Variants in LYPLA1 observed in about 807,000 individuals in gnomAD.
LYPLA1 encodes the protein acyl-protein thioesterase 1.
Under a neutral mutation model 34.0 loss-of-function variants are expected in LYPLA1, and 17 were observed. That is an observed-to-expected ratio of 0.50 (90% CI 0.34 to 0.75). LYPLA1 has a LOEUF of 0.75. Among genes scored for constraint, LYPLA1 ranks in the 30% least tolerant of loss-of-function variants. The pLI, the probability that LYPLA1 is intolerant of heterozygous loss-of-function variation, is 0.01. For missense variants in LYPLA1, 203 were observed against 288.8 expected (o/e 0.70, Z 2.15); for synonymous variants, 98 against 100.8 (o/e 0.97, Z 0.17).
At chr8:54,095,483 T>C (rs1809613760) in intron 2 of LYPLA1, among the ~76,000 whole-genome samples, 1 of 152,090 alleles carries the variant, frequency 6.6e-6, no homozygotes, top group East Asian at 1.9e-4. Context: ...CACAAAATAT[T>C]TTTTAATATT....
chr8:54,083,972 T>C (rs984088161), intron 2 of LYPLA1, among the ~76,000 whole-genome samples: 7 of 151,244 alleles, frequency 4.6e-5, no homozygotes, highest in Admixed American at 6.6e-5. Context: ...ACCCTGTTTC[T>C]ACTAAAAATA....
At chr8:54,055,243 G>T in intron 5 of LYPLA1, 110 bp from the exon 6 acceptor site, 1 of 606,062 alleles carries the variant, frequency 1.7e-6, no homozygotes, top group Non-Finnish European at 2.9e-6. Flanking sequence ...TTTTAAGGTG[G>T]AAATGAGTGA....
chr8:54,071,511 C>G (rs1807464425), intron 2 of LYPLA1, among the ~76,000 whole-genome samples: 1 of 152,100 alleles, frequency 6.6e-6, no homozygotes. Flanking sequence ...CAAGCACACA[C>G]AGGACTGAGT....
At chr8:54,054,303 C>T (rs576901656) in intron 6 of LYPLA1, 1 of 156,208 alleles carries the variant, frequency 6.4e-6, no homozygotes, top group African/African-American at 2.4e-5. Context: ...ATTTCTGTCC[C>T]TATGTTTATG....
chr8:54,074,595 T>C (rs1226324953), intron 2 of LYPLA1, among the ~76,000 whole-genome samples: 1 of 152,252 alleles, frequency 6.6e-6, no homozygotes, highest in South Asian at 2.1e-4. Context: ...TATTTAATGC[T>C]AGACACTTTC....
At chr8:54,063,472 C>G in intron 3 of LYPLA1, 97 bp from the exon 4 acceptor site, 1 of 758,828 alleles carries the variant, frequency 1.3e-6, no homozygotes, top group South Asian at 1.7e-5. Context: ...GAGACCTACA[C>G]AAAACTATAT....
chr8:54,067,693 A>ATTT (rs762583097), intron 2 of LYPLA1, among the ~76,000 whole-genome samples: 5 of 135,518 alleles, frequency 3.7e-5, no homozygotes, highest in Admixed American at 7.5e-5. Context: ...ATGAATGTTA[A>ATTT]TTTTTTTTTT....
At chr8:54,096,634 T>C (rs1809705467) in intron 2 of LYPLA1, among the ~76,000 whole-genome samples, 1 of 151,686 alleles carries the variant, frequency 6.6e-6, no homozygotes, top group Non-Finnish European at 1.5e-5. Context: ...TCCCAGCTAC[T>C]CATGAGGCTG....
intron 5 of LYPLA1, among the ~76,000 whole-genome samples, chr8:54,058,953 TTC>T (rs1459291393): frequency 6.6e-6 from 1 of 152,162 alleles, no homozygotes; most frequent in Non-Finnish European, 1.5e-5. Flanking sequence ...CAGTAGCACA[TTC>T]TCTTTTGTTT....
In LYPLA1 at chr8:54,051,100, A is replaced by G; in HGVS notation, c.551T>C (p.Leu184Pro). The change falls in exon 8 of 9, where the codon CTT becomes CCT. Residue 184 changes from leucine to proline, a missense_variant. Physicochemically the swap from Leu to Pro is moderately conservative, Grantham distance 98. Coordinates refer to ENST00000316963, the MANE Select transcript of LYPLA1 (RefSeq NM_006330.4). ...CAATGTTTTTAGTTTTTCCACCGTA[A>G]GAGAACCAAACATCAGGGGAACCAA... ...DPLVPLMFGS[L>P]TVEKLKTLVN... 6.2e-7 allele frequency: 1 copy of G among 1,614,108 alleles called. No homozygotes were observed. Among genetic ancestry groups the G allele is most frequent in the Non-Finnish European group, 8.5e-7 (1 of 1,179,956 alleles).
At chr8:54,046,313 C>T (rs889601830), downstream of LYPLA1, 2 of 152,388 alleles carry the variant, frequency 1.3e-5, no homozygotes, top group Admixed American at 1.3e-4. Context: ...TCCTCCATTG[C>T]ATTATAGACA....
At position 54,084,142 on chromosome 8, in the gene LYPLA1, ATATAT is replaced by A. The variant is rs1563642638; in HGVS notation, c.101+16761_101+16765del. ...GACCAAAGAAAAAAAAAATAAATAA[ATATAT>A]ATATATATATATATATAAAATAAAG... On this transcript the variant is annotated intron_variant, in intron 2 of 8. Transcript: ENST00000316963. Among the ~76,000 whole-genome samples, 18 of 93,874 alleles carry A rather than the reference ATATAT, an allele frequency of 1.9e-4. 1 individual carries two copies. The highest frequency in any genetic ancestry group is 7.5e-4 in the African/African-American group (18 of 23,938). 61.6% of individuals were successfully genotyped at this position (93,874 alleles called of 152,430 possible).
At chr8:54,043,913 TGA>T (rs1303379334), downstream of LYPLA1, among the ~76,000 whole-genome samples, 6 of 152,020 alleles carry the variant, frequency 3.9e-5, no homozygotes, top group African/African-American at 1.4e-4. Context: ...TCCGCTTTTT[TGA>T]GACAGTCTTG....
At position 54,053,390 on chromosome 8, in the gene LYPLA1, G is replaced by A. The variant is rs1410991347; in HGVS notation, c.361-634C>T. On this transcript the variant is annotated intron_variant, in intron 6 of 8. Coordinates refer to ENST00000316963, the MANE Select transcript of LYPLA1 (RefSeq NM_006330.4). ...ATTACAGGTGTGAGCCACCGTGCCTGGCCCTTAAATTGGTATTACTTTCTA... is the reference window on the plus strand; with the variant it reads ...ATTACAGGTGTGAGCCACCGTGCCTAGCCCTTAAATTGGTATTACTTTCTA... 1.3e-5 allele frequency: 4 copies of A among 317,582 alleles called. No individual in the cohort carries two copies. In the East Asian group the frequency reaches 3.0e-4, roughly 24 times the overall value. 19.7% of individuals were successfully genotyped at this position (317,582 alleles called of 1,614,324 possible).
chr8:54,078,430 C>G (rs1449987705), intron 2 of LYPLA1, among the ~76,000 whole-genome samples: 3 of 152,210 alleles, frequency 2.0e-5, no homozygotes, highest in African/African-American at 4.8e-5. Flanking sequence ...CCACCAGACT[C>G]AACTACTAAA....
intron 3 of LYPLA1, among the ~76,000 whole-genome samples, chr8:54,064,492 C>T (rs775063101): frequency 1.4e-4 from 22 of 152,176 alleles, no homozygotes; most frequent in Non-Finnish European, 2.5e-4. Flanking sequence ...CAACCCTAGC[C>T]ACAGTATTCA....
intron 2 of LYPLA1, among the ~76,000 whole-genome samples, chr8:54,079,858 A>G (rs920566939): frequency 8.5e-5 from 13 of 152,160 alleles, no homozygotes; most frequent in African/African-American, 2.7e-4. Context: ...TCTGCAAAAG[A>G]TAACAGTATA....
At chr8:54,079,704 A>G (rs1808170366) in intron 2 of LYPLA1, among the ~76,000 whole-genome samples, 1 of 152,018 alleles carries the variant, frequency 6.6e-6, no homozygotes. Flanking sequence ...CTGAGGTGGG[A>G]GGATCAATTG....
At chr8:54,097,428 G>A (rs1166598900) in intron 2 of LYPLA1, among the ~76,000 whole-genome samples, 1 of 152,168 alleles carries the variant, frequency 6.6e-6, no homozygotes, top group Non-Finnish European at 1.5e-5. Flanking sequence ...CAGATTAAAA[G>A]AGACAAAAGA....
Sources: gnomAD v4.1 joint callset for allele counts (sites outside exome capture counted in the v4.1 genomes callset) on GRCh38, gnomAD v4.1.1 for gene constraint, MANE v1.5 for transcripts, NCBI Gene and HGNC (gene_info 2026-07-23, HGNC 2026-07-21) for gene names.